The following SFMBT1 variants were observed in gnomAD, a reference collection of about 807,000 sequenced individuals.
The protein encoded by SFMBT1 is scm-like with four MBT domains protein 1.
A neutral mutation model predicts 108.7 loss-of-function variants in SFMBT1; 32 were observed. The ratio of observed to expected loss-of-function variants is 0.29; its 90% CI spans 0.22 to 0.40. SFMBT1 has a LOEUF of 0.40. SFMBT1 is among the 10% of genes least tolerant of loss of function. The pLI is 1.00. For synonymous variants in SFMBT1, 348 were observed against 369.5 expected, an observed-to-expected ratio of 0.94 and a Z score of 0.67; for missense variants, 816 against 1,059.6, an observed-to-expected ratio of 0.77 and a Z score of 3.19.
At chr3:52,991,361 T>TTTTTTTTA (rs1705118670) in intron 1 of SFMBT1, among the ~76,000 whole-genome samples, 5 of 147,392 alleles carry the variant, frequency 3.4e-5, no homozygotes, top group South Asian at 2.1e-4. Flanking sequence ...TTTTTTTTTT[T>TTTTTTTTA]GAGATGGAGT....
intron 1 of SFMBT1, 138 bp downstream of exon 1, chr3:53,045,678 C>A: frequency 7.1e-6 from 1 of 141,502 alleles, no homozygotes; most frequent in South Asian, 2.0e-4. Flanking sequence ...GCGCGCCCGC[C>A]GGCGCCCGGC....
At chr3:53,020,284 G>A (rs1265485678) in intron 1 of SFMBT1, among the ~76,000 whole-genome samples, 2 of 152,088 alleles carry the variant, frequency 1.3e-5, no homozygotes, top group African/African-American at 4.8e-5. Flanking sequence ...AGCTACTCAG[G>A]AGGCTGAGAC....
chr3:52,994,304 C>T (rs1698239046), intron 1 of SFMBT1, among the ~76,000 whole-genome samples: 1 of 150,346 alleles, frequency 6.7e-6, no homozygotes, highest in Admixed American at 6.7e-5. Flanking sequence ...GAAGGAATGA[C>T]AGACTCTCTT....
rs750705880 is a variant in SFMBT1, at chr3:52,907,750, A to G, written c.1907-17T>C. ...AATAGTGTGCTAAATGTGGATGACAAAGAAAAATGAAGTAGCTTCATTATT... is the reference window on the plus strand; with the variant it reads ...AATAGTGTGCTAAATGTGGATGACAGAGAAAAATGAAGTAGCTTCATTATT... On this transcript the variant is annotated splice_polypyrimidine_tract_variant and intron_variant, in intron 17 of 20. Transcript: ENST00000394752. The G allele has an allele frequency of 6.4e-7, 1 of 1,573,618 alleles. No individual in the cohort carries two copies. Among genetic ancestry groups the G allele is most frequent in the South Asian group, 1.2e-5 (1 of 84,596 alleles).
At chr3:53,003,091 C>T (rs1185405379) in intron 1 of SFMBT1, among the ~76,000 whole-genome samples, 1 of 131,654 alleles carries the variant, frequency 7.6e-6, no homozygotes, top group Non-Finnish European at 1.6e-5. Flanking sequence ...CACTGCACTC[C>T]AGCCTGGGTG....
chr3:52,986,601 A>G (rs1258231589), intron 1 of SFMBT1, among the ~76,000 whole-genome samples: 1 of 151,440 alleles, frequency 6.6e-6, no homozygotes, highest in Non-Finnish European at 1.5e-5. Flanking sequence ...TCCCATCTCT[A>G]CTAAAAATAC....
At chr3:52,962,336 G>C (rs1319724180) in intron 2 of SFMBT1, among the ~76,000 whole-genome samples, 2 of 152,160 alleles carry the variant, frequency 1.3e-5, no homozygotes, top group Non-Finnish European at 2.9e-5. Context: ...AAATAACCCT[G>C]ACGTCCATCA....
At chr3:53,041,698 CAAAAAAAAAAAAAAAAA>C (rs59502728) in intron 1 of SFMBT1, among the ~76,000 whole-genome samples, 24 of 44,122 alleles carry the variant, frequency 5.4e-4, no homozygotes, top group African/African-American at 7.4e-4. Context: ...AAGTCTGTCT[CAAAAAAAAAAAAAAAAA>C]AAAAAAAAAA....
intron 1 of SFMBT1, among the ~76,000 whole-genome samples, chr3:53,010,886 G>A (rs540676275): frequency 1.6e-4 from 24 of 152,180 alleles, no homozygotes; most frequent in African/African-American, 5.5e-4. Flanking sequence ...CTGTATCTTC[G>A]GAACTGTCTT....
chr3:52,951,355 A>G (rs1703586536), intron 3 of SFMBT1, among the ~76,000 whole-genome samples: 1 of 152,130 alleles, frequency 6.6e-6, no homozygotes, highest in Non-Finnish European at 1.5e-5. Flanking sequence ...TTTCTCAGGC[A>G]AACAAAAATT....
intron 1 of SFMBT1, among the ~76,000 whole-genome samples, chr3:52,981,519 T>G (rs1704710239): frequency 6.8e-6 from 1 of 146,320 alleles, no homozygotes; most frequent in South Asian, 2.2e-4. Flanking sequence ...TATGCCACCA[T>G]GCTCAGCTAA....
At chr3:53,000,069 A>G (rs145215065) in intron 1 of SFMBT1, among the ~76,000 whole-genome samples, 2,375 of 149,806 alleles carry the variant, frequency 0.016, 105 homozygotes, top group African/African-American at 0.054. Context: ...TCACCGTGTT[A>G]GCCAGGATGG....
At chr3:53,041,258 A>C (rs1700043275) in intron 1 of SFMBT1, among the ~76,000 whole-genome samples, 1 of 152,146 alleles carries the variant, frequency 6.6e-6, no homozygotes, top group Non-Finnish European at 1.5e-5. Flanking sequence ...AGTTAGAGGA[A>C]AAGGTTTACA....
chr3:53,000,104 C>T lies in SFMBT1; in HGVS notation c.-130-30846G>A, dbSNP rs766120495. On this transcript the variant is annotated intron_variant, in intron 1 of 20. Transcript: ENST00000394752. ...GTCTTGATTTCCTGACCTCGTGATC[C>T]GCCCACCCCGGCCTCCCAAAGTGCT... 6.8e-4 allele frequency among the ~76,000 whole-genome samples: 102 copies of T among 150,064 alleles called. 8 individuals carry two copies. Among genetic ancestry groups the T allele is most frequent in the Non-Finnish European group, 1.2e-3 (82 of 66,906 alleles).
intron 2 of SFMBT1, among the ~76,000 whole-genome samples, chr3:52,957,001 AG>A (rs1703806087): frequency 6.6e-6 from 1 of 152,158 alleles, no homozygotes; most frequent in Non-Finnish European, 1.5e-5. Context: ...AGAGTGATAA[AG>A]GGTATTCAAA....
chr3:52,906,941 A>G (rs1702078470), intron 19 of SFMBT1, 128 bp downstream of exon 19: 2 of 1,230,962 alleles, frequency 1.6e-6, no homozygotes, highest in African/African-American at 1.5e-5. Flanking sequence ...TCACTTTACA[A>G]GAGACCCTGG....
intron 1 of SFMBT1, among the ~76,000 whole-genome samples, chr3:53,035,090 T>C (rs1488253921): frequency 6.6e-6 from 1 of 152,136 alleles, no homozygotes; most frequent in African/African-American, 2.4e-5. Context: ...GAGAGTGGGT[T>C]GGTGAGGCTG....
chr3:52,941,639 G>GTTCATGCC (rs1015943010), intron 4 of SFMBT1, among the ~76,000 whole-genome samples: 2 of 149,668 alleles, frequency 1.3e-5, no homozygotes, highest in African/African-American at 4.9e-5. Context: ...AGGTGTGGTG[G>GTTCATGCC]TTCATGCCTG....
At chr3:53,021,805 A>G (rs1309749084) in intron 1 of SFMBT1, among the ~76,000 whole-genome samples, 1 of 152,226 alleles carries the variant, frequency 6.6e-6, no homozygotes, top group Admixed American at 6.5e-5. Flanking sequence ...ATCATTTACA[A>G]GGGGAAAAGA....
Sources: gnomAD v4.1 joint callset for allele counts (sites outside exome capture counted in the v4.1 genomes callset) on GRCh38, gnomAD v4.1.1 for gene constraint, MANE v1.5 for transcripts, NCBI Gene and HGNC (gene_info 2026-07-23, HGNC 2026-07-21) for gene names.